Variants in RBPMS observed in about 807,000 individuals in gnomAD.
The protein encoded by RBPMS is RNA binding protein, mRNA processing factor, also known as RNA-binding protein with multiple splicing.
RBPMS carries 7 observed loss-of-function variants against 26.8 expected under a neutral mutation model. The observed-to-expected ratio is 0.26, with a 90% CI of 0.15 to 0.49. The LOEUF (loss-of-function observed/expected upper bound fraction) is 0.49, where lower values mean the gene tolerates loss of function less well. RBPMS is among the 20% of genes least tolerant of loss of function. The probability of loss-of-function intolerance (pLI) is 0.98; values close to 1 mark genes in which losing one functional copy is unlikely to be tolerated. For synonymous variants in RBPMS, 96 were observed against 93.3 expected (o/e 1.03, Z -0.17); for missense variants, 186 against 250.0 (o/e 0.74, Z 1.73).
intron 1 of RBPMS, among the ~76,000 whole-genome samples, chr8:30,427,336 C>A (rs1184717251): frequency 6.6e-6 from 1 of 152,184 alleles, no homozygotes; most frequent in African/African-American, 2.4e-5. Flanking sequence ...GAAAGGGGTC[C>A]AGGTAGCTAG....
chr8:30,484,432 C>T (rs1818581903), intron 4 of RBPMS, among the ~76,000 whole-genome samples: 1 of 152,098 alleles, frequency 6.6e-6, no homozygotes, highest in Admixed American at 6.5e-5. Context: ...AAACTCAACC[C>T]TCATATTACT....
At chr8:30,561,031 A>G (rs1447604440) in intron 7 of RBPMS, among the ~76,000 whole-genome samples, 1 of 152,154 alleles carries the variant, frequency 6.6e-6, no homozygotes, top group Non-Finnish European at 1.5e-5. Flanking sequence ...GCGCCTAAGT[A>G]TCCTTTTTAA....
chr8:30,525,012 G>A (rs186964224), intron 5 of RBPMS, among the ~76,000 whole-genome samples: 1 of 152,218 alleles, frequency 6.6e-6, no homozygotes, highest in African/African-American at 2.4e-5. Flanking sequence ...TAATCTAGAT[G>A]TGTTTGATGT....
intron 1 of RBPMS, among the ~76,000 whole-genome samples, chr8:30,438,858 C>T (rs1430022241): frequency 6.6e-6 from 1 of 152,152 alleles, no homozygotes; most frequent in African/African-American, 2.4e-5. Flanking sequence ...ACTGTAGCCT[C>T]CACCTCCCAG....
intron 1 of RBPMS, among the ~76,000 whole-genome samples, chr8:30,424,031 G>A (rs914002925): frequency 5.9e-5 from 9 of 151,948 alleles, no homozygotes; most frequent in Non-Finnish European, 1.3e-4. Flanking sequence ...AGAGACAGAG[G>A]TTCACCATGT....
At chr8:30,418,373 G>A (rs1370570519) in intron 1 of RBPMS, among the ~76,000 whole-genome samples, 1 of 152,152 alleles carries the variant, frequency 6.6e-6, no homozygotes, top group African/African-American at 2.4e-5. Context: ...ACACCGCCTG[G>A]CCTGGCTTAG....
At chr8:30,510,381 A>G (rs1488287449) in intron 5 of RBPMS, among the ~76,000 whole-genome samples, 1 of 152,002 alleles carries the variant, frequency 6.6e-6, no homozygotes, top group Admixed American at 6.6e-5. Flanking sequence ...TAAAATACCT[A>G]TTTTACCCCT....
At chr8:30,555,511 C>T (rs929099359) in intron 6 of RBPMS, among the ~76,000 whole-genome samples, 27 of 152,144 alleles carry the variant, frequency 1.8e-4, no homozygotes, top group African/African-American at 6.5e-4. Flanking sequence ...TGAGAAGCCC[C>T]TGGAATTGTG....
chr8:30,413,544 T>G (rs567827461), intron 1 of RBPMS, among the ~76,000 whole-genome samples: 1 of 152,350 alleles, frequency 6.6e-6, no homozygotes, highest in South Asian at 2.1e-4. Flanking sequence ...GTGAATCCTG[T>G]AAGATAAATA....
intron 1 of RBPMS, among the ~76,000 whole-genome samples, chr8:30,467,390 T>A (rs1344380278): frequency 6.6e-6 from 1 of 152,214 alleles, no homozygotes; most frequent in Non-Finnish European, 1.5e-5. Context: ...GCCCCGCTTG[T>A]GCATTAAAAC....
chr8:30,552,125 C>CA (rs1826433885), intron 6 of RBPMS, among the ~76,000 whole-genome samples: 1 of 152,058 alleles, frequency 6.6e-6, no homozygotes, highest in Non-Finnish European at 1.5e-5. Context: ...AGAAGAGAAA[C>CA]ACCAGAGCCA....
chr8:30,436,919 A>G (rs955300774), intron 1 of RBPMS, among the ~76,000 whole-genome samples: 51 of 148,226 alleles, frequency 3.4e-4, no homozygotes, highest in Admixed American at 5.3e-4. Context: ...GTCGTGATAT[A>G]TGTAGCTTTT....
chr8:30,468,318 A>AT (rs1199992041), intron 1 of RBPMS, among the ~76,000 whole-genome samples: 2 of 151,734 alleles, frequency 1.3e-5, no homozygotes, highest in African/African-American at 2.4e-5. Flanking sequence ...ATGGTCCTGA[A>AT]TTTTTTTTGC....
intron 1 of RBPMS, among the ~76,000 whole-genome samples, chr8:30,466,194 C>T (rs1490890730): frequency 6.6e-6 from 1 of 152,146 alleles, no homozygotes; most frequent in Non-Finnish European, 1.5e-5. Context: ...GAGTCACGTA[C>T]TCTGGATAAT....
At chr8:30,564,203 C>G (rs1006717095) in intron 7 of RBPMS, 2 of 152,182 alleles carry the variant, frequency 1.3e-5, no homozygotes, top group African/African-American at 4.8e-5. Context: ...CAGCTTTATA[C>G]GGGGTTTCTT....
At chr8:30,554,023 G>A (rs190962384) in intron 6 of RBPMS, among the ~76,000 whole-genome samples, 302 of 152,246 alleles carry the variant, frequency 2.0e-3, no homozygotes, top group African/African-American at 7.0e-3. Context: ...TGATCCACCC[G>A]CCTCAGCCTC....
intron 5 of RBPMS, among the ~76,000 whole-genome samples, chr8:30,524,134 A>G (rs1439104200): frequency 7.2e-5 from 11 of 151,986 alleles, no homozygotes; most frequent in Admixed American, 5.9e-4. Flanking sequence ...TATATTTTTT[A>G]TCTTGCAAGA....
At chr8:30,500,477 T>A (rs1434786682) in intron 4 of RBPMS, among the ~76,000 whole-genome samples, 1 of 152,150 alleles carries the variant, frequency 6.6e-6, no homozygotes, top group Non-Finnish European at 1.5e-5. Context: ...CAAGGACTGA[T>A]GGACTAACTT....
chr8:30,445,191 C>T (rs1813590785), intron 1 of RBPMS: 1 of 152,018 alleles, frequency 6.6e-6, no homozygotes, highest in African/African-American at 2.4e-5. Flanking sequence ...ATAATTAGAC[C>T]TATTTCATCC....
Sources: gnomAD v4.1 joint callset for allele counts (sites outside exome capture counted in the v4.1 genomes callset) on GRCh38, gnomAD v4.1.1 for gene constraint, MANE v1.5 for transcripts, NCBI Gene and HGNC (gene_info 2026-07-23, HGNC 2026-07-21) for gene names.